The following LINGO2 variants were observed in gnomAD, a reference collection of about 807,000 sequenced individuals.
The protein encoded by LINGO2 is leucine rich repeat and Ig domain containing 2, also known as leucine-rich repeat and immunoglobulin-like domain-containing nogo receptor-interacting protein 2.
In LINGO2, 14 loss-of-function variants were observed where a neutral mutation model predicts 30.6. The ratio of observed to expected loss-of-function variants is 0.46; its 90% CI spans 0.30 to 0.72. The LOEUF is 0.72. LINGO2 is among the 30% of genes least tolerant of loss of function. LINGO2 has a pLI of 0.07. For synonymous variants in LINGO2, 317 were observed against 288.5 expected, an observed-to-expected ratio of 1.10 and a Z score of -1.00; for missense variants, 729 against 751.7, an observed-to-expected ratio of 0.97 and a Z score of 0.35.
At chr9:28,590,199 A>T (rs1352492086) in intron 1 of LINGO2, among the ~76,000 whole-genome samples, 4 of 152,134 alleles carry the variant, frequency 2.6e-5, no homozygotes, top group Admixed American at 6.5e-5. Flanking sequence ...AACCATAAAA[A>T]CCCTAGAAGA....
chr9:28,175,399 C>G (rs1828723296), intron 4 of LINGO2, among the ~76,000 whole-genome samples: 1 of 152,110 alleles, frequency 6.6e-6, no homozygotes, highest in Non-Finnish European at 1.5e-5. Context: ...CCTTCCAAAG[C>G]TCTCACAACT....
intron 4 of LINGO2, among the ~76,000 whole-genome samples, chr9:28,022,761 CATT>C (rs895476200): frequency 6.6e-6 from 1 of 151,746 alleles, no homozygotes; most frequent in African/African-American, 2.4e-5. Flanking sequence ...AAATTTTCGT[CATT>C]ATTACTTACA....
the LINGO2 span, among the ~76,000 whole-genome samples, chr9:28,844,870 G>A: frequency 6.6e-6 from 1 of 151,900 alleles, no homozygotes; most frequent in Non-Finnish European, 1.5e-5. Context: ...AAGGCTGGTT[G>A]AAGCATGAAT....
At chr9:28,057,171 A>T (rs917838358) in intron 4 of LINGO2, among the ~76,000 whole-genome samples, 6 of 152,180 alleles carry the variant, frequency 3.9e-5, no homozygotes, top group African/African-American at 1.4e-4. Context: ...TGCCTGTTCT[A>T]CTAAGATGCT....
chr9:28,736,675 C>T, the LINGO2 span, among the ~76,000 whole-genome samples: 1 of 152,054 alleles, frequency 6.6e-6, no homozygotes, highest in South Asian at 2.1e-4. Flanking sequence ...GCCTGTAATC[C>T]CAGCTACTTG....
At chr9:28,189,786 C>G (rs1459872767) in intron 4 of LINGO2, among the ~76,000 whole-genome samples, 2 of 151,864 alleles carry the variant, frequency 1.3e-5, no homozygotes, top group Admixed American at 6.6e-5. Context: ...CCTGGAGAAC[C>G]AAAAGCTTGA....
chr9:28,371,543 G>T (rs1032804188), intron 3 of LINGO2, among the ~76,000 whole-genome samples: 1 of 152,140 alleles, frequency 6.6e-6, no homozygotes, highest in Non-Finnish European at 1.5e-5. Context: ...TTCCCAAAAG[G>T]CTTCATTGCC....
At chr9:28,637,984 G>T (rs867689442) in intron 1 of LINGO2, among the ~76,000 whole-genome samples, 3 of 152,112 alleles carry the variant, frequency 2.0e-5, no homozygotes, top group African/African-American at 2.4e-5. Context: ...TAATTATTTT[G>T]AGATACAACC....
chr9:29,039,696 C>T, the LINGO2 span, among the ~76,000 whole-genome samples: 1 of 152,150 alleles, frequency 6.6e-6, no homozygotes, highest in Non-Finnish European at 1.5e-5. Context: ...AGGTTCACTT[C>T]CCAAGGCTAA....
chr9:28,755,517 G>A, the LINGO2 span, among the ~76,000 whole-genome samples: 2 of 152,086 alleles, frequency 1.3e-5, no homozygotes, highest in Non-Finnish European at 2.9e-5. Flanking sequence ...TTACAATTAT[G>A]TTTGTATAAG....
At chr9:28,705,645 C>T in the LINGO2 span, among the ~76,000 whole-genome samples, 4 of 152,114 alleles carry the variant, frequency 2.6e-5, no homozygotes, top group Non-Finnish European at 5.9e-5. Context: ...CTGATCTTCA[C>T]TTTGAAAGCC....
chr9:28,639,753 AT>A (rs1827479127), intron 1 of LINGO2, among the ~76,000 whole-genome samples: 1 of 152,004 alleles, frequency 6.6e-6, no homozygotes, highest in Non-Finnish European at 1.5e-5. Context: ...TAGCACACTG[AT>A]GGGTCTTGAC....
chr9:28,516,153 T>C (rs1232441737), intron 1 of LINGO2, among the ~76,000 whole-genome samples: 1 of 152,308 alleles, frequency 6.6e-6, no homozygotes, highest in South Asian at 2.1e-4. Flanking sequence ...ACTATAAACA[T>C]AACTTTTATA....
intron 5 of LINGO2, among the ~76,000 whole-genome samples, chr9:28,010,705 CACTTTGGGAGGCAGAGATGGGAGG>C: frequency 6.6e-6 from 1 of 152,318 alleles, no homozygotes; most frequent in Non-Finnish European, 1.5e-5. Flanking sequence ...ATAATCTCAG[CACTTTGGGAGGCAGAGATGGGAGG>C]ATTGCTTGAG....
At chr9:28,992,928 G>A in the LINGO2 span, among the ~76,000 whole-genome samples, 4 of 151,450 alleles carry the variant, frequency 2.6e-5, no homozygotes, top group Admixed American at 6.6e-5. Flanking sequence ...ATCCAAAATT[G>A]ACACCCTTAC....
At chr9:28,199,021 CTAGA>C (rs71862675) in intron 4 of LINGO2, among the ~76,000 whole-genome samples, 4,405 of 152,206 alleles carry the variant, frequency 0.029, 188 homozygotes, top group African/African-American at 0.1. Context: ...CGAAGATTTC[CTAGA>C]TAATTTCTTT....
At chr9:28,545,040 T>C (rs1285003392) in intron 1 of LINGO2, among the ~76,000 whole-genome samples, 1 of 151,978 alleles carries the variant, frequency 6.6e-6, no homozygotes, top group Non-Finnish European at 1.5e-5. Flanking sequence ...AAACAATTAT[T>C]ATTTGCATTT....
At chr9:28,611,989 T>G (rs879374972) in intron 1 of LINGO2, among the ~76,000 whole-genome samples, 2 of 151,880 alleles carry the variant, frequency 1.3e-5, no homozygotes, top group Non-Finnish European at 2.9e-5. Context: ...CCTGGCTAAT[T>G]TTTTGTATTC....
chr9:29,026,954 A>T, the LINGO2 span, among the ~76,000 whole-genome samples: 1 of 152,194 alleles, frequency 6.6e-6, no homozygotes, highest in South Asian at 2.1e-4. Flanking sequence ...AACTAAATAA[A>T]ATAACAACTA....
Sources: gnomAD v4.1 joint callset for allele counts (sites outside exome capture counted in the v4.1 genomes callset) on GRCh38, gnomAD v4.1.1 for gene constraint, MANE v1.5 for transcripts, NCBI Gene and HGNC (gene_info 2026-07-23, HGNC 2026-07-21) for gene names.